Variants in QSER1 observed in about 807,000 individuals in gnomAD.
QSER1 encodes the protein glutamine and serine-rich protein 1.
Under a neutral mutation model 158.5 loss-of-function variants are expected in QSER1, and 49 were observed. That is an observed-to-expected ratio of 0.31 (90% CI 0.25 to 0.39). QSER1 has a LOEUF of 0.39. QSER1 is among the 10% of genes least tolerant of loss of function. The probability of loss-of-function intolerance (pLI) is 1.00; values close to 1 mark genes in which losing one functional copy is unlikely to be tolerated. For synonymous variants in QSER1, 650 were observed against 715.5 expected (o/e 0.91, Z 1.46); for missense variants, 1,754 against 2,010.3 (o/e 0.87, Z 2.44).
At chr11:32,969,181 G>A (rs2133606595) in intron 10 of QSER1, 38 bp downstream of exon 10, 2 of 1,140,628 alleles carry the variant, frequency 1.8e-6, no homozygotes, top group Non-Finnish European at 2.6e-6. Flanking sequence ...AAACTCAATG[G>A]CAGTCATAGT....
intron 8 of QSER1, among the ~76,000 whole-genome samples, chr11:32,962,010 T>TA (rs1852633220): frequency 6.6e-6 from 1 of 152,208 alleles, no homozygotes; most frequent in Non-Finnish European, 1.5e-5. Flanking sequence ...GCAGAATTGT[T>TA]ACTATTGTCA....
At position 32,932,941 on chromosome 11, in the gene QSER1, G is replaced by T; in HGVS notation, c.1683G>T (p.Gln561His). 6.2e-6 allele frequency: 10 copies of T among 1,613,586 alleles called. No homozygotes were observed. Among genetic ancestry groups the T allele is most frequent in the Non-Finnish European group, 7.6e-6 (9 of 1,179,976 alleles). Reference protein sequence around the residue: ...QSQSYSSGHSQGLSPVSQTQV... With the variant: ...QSQSYSSGHSHGLSPVSQTQV... Reference sequence around the variant, plus strand: ...AAAGTTACTCATCTGGTCACTCTCAGGGTTTATCACCAGTTAGCCAGACAC... The same window carrying T: ...AAAGTTACTCATCTGGTCACTCTCATGGTTTATCACCAGTTAGCCAGACAC... Residue 561 changes from glutamine to histidine, a missense_variant, in exon 4 of 13, where the codon CAG becomes CAT. Gln to His is a conservative substitution (Grantham distance 24, BLOSUM62 0). This residue lies in a region of QSER1 where 1,707 missense variants were observed against 1,919.6 expected (regional missense o/e 0.89). Coordinates refer to ENST00000650167, the MANE Select transcript of QSER1 (RefSeq NM_001076786.3).
intron 1 of QSER1, among the ~76,000 whole-genome samples, chr11:32,907,427 A>G (rs540968568): frequency 2.6e-5 from 4 of 152,358 alleles, no homozygotes; most frequent in South Asian, 4.1e-4. Context: ...ATAATAGACT[A>G]TGTTAATAAT....
At chr11:32,908,139 G>A (rs986342266) in intron 1 of QSER1, among the ~76,000 whole-genome samples, 6 of 152,084 alleles carry the variant, frequency 3.9e-5, no homozygotes, top group Non-Finnish European at 7.4e-5. Context: ...CTGAAATATT[G>A]GAAATAAGGG....
intron 11 of QSER1, 77 bp from the exon 12 acceptor site, chr11:32,975,171 G>T: frequency 1.0e-6 from 1 of 1,003,684 alleles, no homozygotes; most frequent in South Asian, 1.9e-5. Context: ...TGAGACTTTT[G>T]ATCTAGTATT....
chr11:32,922,989 A>G (rs1308391042), intron 1 of QSER1, among the ~76,000 whole-genome samples: 1 of 152,174 alleles, frequency 6.6e-6, no homozygotes, highest in African/African-American at 2.4e-5. Context: ...TGTTCACACA[A>G]AAACTTATGC....
In QSER1 at chr11:32,927,981, T is replaced by A; in HGVS notation, c.342T>A (p.Asp114Glu). ...PQPTGLSGIF[D>E]TSVNSASSNT... ...ATTTAGGTCTTTCTGGAATATTTGA[T>A]ACTAGTGTGAACAGTGCCAGCAGTA... The change falls in exon 3 of 13, where the codon GAT (aspartate) becomes GAA (glutamate). Residue 114 changes from aspartate to glutamate, a missense_variant. By Grantham distance (45) the Asp-to-Glu change is conservative (BLOSUM62 2). Around this residue, in one of 2 missense-constraint regions of QSER1, gnomAD observed 1,707 missense variants for 1,919.6 expected, o/e 0.89. Transcript: ENST00000650167. 1.0e-6 allele frequency: 1 copy of A among 987,044 alleles called. No individual in the cohort carries two copies. Among genetic ancestry groups the A allele is most frequent in the Non-Finnish European group, 1.5e-6 (1 of 653,004 alleles). 61.1% of individuals were successfully genotyped at this position (987,044 alleles called of 1,614,324 possible).
intron 8 of QSER1, among the ~76,000 whole-genome samples, chr11:32,963,255 A>C (rs1033763811): frequency 2.0e-5 from 3 of 151,522 alleles, no homozygotes; most frequent in African/African-American, 7.3e-5. Flanking sequence ...TCCCAGGCTC[A>C]TGTGATCCTC....
At chr11:32,908,898 G>A (rs191397190) in intron 1 of QSER1, among the ~76,000 whole-genome samples, 68 of 152,248 alleles carry the variant, frequency 4.5e-4, no homozygotes, top group African/African-American at 1.6e-3. Context: ...AGTGATTCAC[G>A]CCTGTAATCC....
chr11:32,911,360 T>C (rs921009151), intron 1 of QSER1, among the ~76,000 whole-genome samples: 2 of 152,192 alleles, frequency 1.3e-5, no homozygotes, highest in African/African-American at 4.8e-5. Flanking sequence ...GGCATATGTA[T>C]ACCTGTGTAA....
At chr11:32,912,609 G>C (rs1652726626) in intron 1 of QSER1, among the ~76,000 whole-genome samples, 2 of 152,050 alleles carry the variant, frequency 1.3e-5, no homozygotes, top group Admixed American at 6.5e-5. Flanking sequence ...GCATCGCCTG[G>C]TTACAGACCA....
Position 32,966,236 on chromosome 11 carries a change from G to T in QSER1, c.4970-64G>T. 6.5e-7 allele frequency: 1 copy of T among 1,548,064 alleles called. No individual in the cohort carries two copies. The stretch of plus-strand genomic sequence containing the variant: ...AATCTGCTTCTAGGGTCTCGTTATA[G>T]AGAAAAGTGTTTTTAAAATTGTCAG... On this transcript the variant is annotated intron_variant, in intron 8 of 12. Coordinates refer to ENST00000650167, the MANE Select transcript of QSER1 (RefSeq NM_001076786.3).
At chr11:32,961,623 T>C (rs955625934) in intron 8 of QSER1, among the ~76,000 whole-genome samples, 1 of 152,204 alleles carries the variant, frequency 6.6e-6, no homozygotes, top group Non-Finnish European at 1.5e-5. Flanking sequence ...CAACTACTTA[T>C]TCTCTTTTTT....
rs1169101837 is a variant in QSER1, at chr11:32,934,697, A to G, written c.3439A>G (p.Asn1147Asp). 1 of 1,613,754 alleles carries G rather than the reference A, an allele frequency of 6.2e-7. No homozygotes were observed. The highest frequency in any genetic ancestry group is 1.1e-5 in the South Asian group (1 of 91,034). The change falls in exon 4 of 13, where the codon AAT (asparagine) becomes GAT (aspartate). Residue 1147 changes from asparagine (N) to aspartate (D), a missense_variant. Asn to Asp is a conservative substitution (Grantham distance 23). Around this residue, in one of 2 missense-constraint regions of QSER1, gnomAD observed 1,707 missense variants for 1,919.6 expected, o/e 0.89. Transcript: ENST00000650167. ...VSSSRSISGE[N>D]ATSESEFTLG... ...TAGTAGTAGAAGTATAAGTGGAGAG[A>G]ATGCTACATCAGAGAGTGAATTTAC...
At position 32,977,693 on chromosome 11, in the gene QSER1, A is replaced by T. The variant is rs1409581359; in HGVS notation, c.*1219A>T. On this transcript the variant is annotated 3_prime_UTR_variant, in exon 13 of 13. Coordinates refer to ENST00000650167, the MANE Select transcript of QSER1 (RefSeq NM_001076786.3). ...TAGCGTTTCAAGTAGTTTAGCTGAG[A>T]CAGTGAATGTATTAGGTTCAACATG... The T allele has an allele frequency of 1.3e-5, 2 of 152,590 alleles. No homozygotes were observed. The highest frequency in any genetic ancestry group is 2.9e-5 in the Non-Finnish European group (2 of 68,016). 9.5% of individuals were successfully genotyped at this position (152,590 alleles called of 1,614,324 possible). A position where few individuals can be genotyped will look rare whatever the true frequency, so the allele number is the denominator to read the frequency against.
intron 8 of QSER1, among the ~76,000 whole-genome samples, chr11:32,959,796 CTG>C: frequency 6.6e-6 from 1 of 152,140 alleles, no homozygotes; most frequent in Non-Finnish European, 1.5e-5. Context: ...AAGGTCTACT[CTG>C]TTGTCTAGGC....
Position 32,955,375 on chromosome 11 carries a change from T to A in QSER1, c.4580T>A (p.Ile1527Asn), listed in dbSNP as rs2133583720. The change falls in exon 6 of 13, where the codon ATT (isoleucine) becomes AAT (asparagine). Residue 1527 changes from isoleucine to asparagine, a missense_variant. By Grantham distance (149) the Ile-to-Asn change is moderately radical (BLOSUM62 -3). Coordinates refer to ENST00000650167, the MANE Select transcript of QSER1 (RefSeq NM_001076786.3). ...TTATTACAGAAATTTGTTCCTGAAA[T>A]TCGAGATGGTCAAAGAGAATTTGCT... ...KALLQKFVPEIRDGQREFAAT... is the reference protein window; with the variant it reads ...KALLQKFVPENRDGQREFAAT... The A allele has an allele frequency of 6.3e-7, 1 of 1,598,662 alleles. No individual in the cohort carries two copies. The highest frequency in any genetic ancestry group is 8.5e-7 in the Non-Finnish European group (1 of 1,173,444).
At chr11:32,928,307 T>C (rs972934606) in intron 3 of QSER1, among the ~76,000 whole-genome samples, 184 bp downstream of exon 3, 3 of 152,178 alleles carry the variant, frequency 2.0e-5, no homozygotes, top group African/African-American at 7.2e-5. Context: ...CTGGCAGAAA[T>C]TTAGTTTTAG....
intron 4 of QSER1, among the ~76,000 whole-genome samples, chr11:32,943,646 T>C (rs1434157277): frequency 6.6e-6 from 1 of 151,122 alleles, no homozygotes; most frequent in African/African-American, 2.4e-5. Flanking sequence ...CAGTATTTTA[T>C]TGAGGATTTT....
Sources: allele counts gnomAD v4.1 joint callset (sites outside exome capture counted in the v4.1 genomes callset), GRCh38; gene constraint gnomAD v4.1.1; regional missense constraint gnomAD v4.1.1; transcripts MANE v1.5; gene names NCBI Gene and HGNC (gene_info 2026-07-23, HGNC 2026-07-21).